Variants in THADA observed in about 807,000 individuals in gnomAD.
The protein encoded by THADA is THADA armadillo repeat containing.
In THADA, 213 loss-of-function variants were observed where a neutral mutation model predicts 219.8. That is an observed-to-expected ratio of 0.97 (90% CI 0.87 to 1.09). The LOEUF (loss-of-function observed/expected upper bound fraction) is 1.09, where lower values mean the gene tolerates loss of function less well. THADA is among the 50% of genes least tolerant of loss of function. THADA has a pLI of 0.00. For missense variants in THADA, 2,956 were observed against 2,311.3 expected, an observed-to-expected ratio of 1.28 and a Z score of -5.72; for synonymous variants, 1,018 against 828.9, an observed-to-expected ratio of 1.23 and a Z score of -3.92.
chr2:43,335,798 A>G (rs981703592), intron 30 of THADA, among the ~76,000 whole-genome samples: 1 of 49,556 alleles, frequency 2.0e-5, no homozygotes, highest in African/African-American at 1.2e-4. Flanking sequence ...TCTCTACTTT[A>G]AAAAAAAAAA....
At chr2:43,438,298 T>G (rs1374116004) in intron 26 of THADA, among the ~76,000 whole-genome samples, 1 of 38,518 alleles carries the variant, frequency 2.6e-5, no homozygotes, top group African/African-American at 1.0e-4. Flanking sequence ...CGACTCCATC[T>G]CAAAAAAAAA....
At chr2:43,547,458 T>C (rs1261938028) in intron 20 of THADA, among the ~76,000 whole-genome samples, 1 of 152,218 alleles carries the variant, frequency 6.6e-6, no homozygotes, top group Non-Finnish European at 1.5e-5. Context: ...TATCCTGCAG[T>C]GTTTTCCAAC....
chr2:43,280,022 G>A, intron 35 of THADA, 126 bp from the exon 36 acceptor site: 1 of 961,904 alleles, frequency 1.0e-6, no homozygotes, highest in Middle Eastern at 3.3e-4. Context: ...TTTTTTCTGG[G>A]TATTGTTAAG....
At chr2:43,510,660 TA>T (rs397729303) in intron 22 of THADA, among the ~76,000 whole-genome samples, 1,403 of 122,362 alleles carry the variant, frequency 0.011, 11 homozygotes, top group African/African-American at 0.027. Context: ...TTCTTCACTG[TA>T]AAAAAAAAAA....
intron 21 of THADA, among the ~76,000 whole-genome samples, chr2:43,535,675 C>CAAAAAAAAAAA (rs1177702416): frequency 1.6e-4 from 5 of 30,366 alleles, no homozygotes; most frequent in Non-Finnish European, 2.4e-4. Context: ...CAGCGAGACT[C>CAAAAAAAAAAA]AAAAAAAAAA....
At chr2:43,499,061 C>T in intron 24 of THADA, 106 bp from the exon 25 acceptor site, 2 of 1,198,554 alleles carry the variant, frequency 1.7e-6, no homozygotes, top group South Asian at 1.8e-5. Context: ...TACTGAATTA[C>T]AAGAAATGGA....
Position 43,428,187 on chromosome 2 carries a change from AG to A in THADA, c.3970del (p.Leu1324PhefsTer29). On this transcript the variant is annotated frameshift_variant, in exon 28 of 38. Transcript: ENST00000405975. LOFTEE classifies it high-confidence loss of function. ...AGCGTAGAGTCTCTCCAACACCAAA[AG>A]TAAGAGAAACATGCTTGGATGACGA... ...PNRHPSMFLL[L>X]LVLERLYASP... The A allele has an allele frequency of 6.2e-7, 1 of 1,608,212 alleles. No homozygotes were observed. Among genetic ancestry groups the A allele is most frequent in the Non-Finnish European group, 8.5e-7 (1 of 1,176,620 alleles).
chr2:43,492,426 T>C (rs772736411), intron 25 of THADA: 6 of 152,212 alleles, frequency 3.9e-5, no homozygotes, highest in Admixed American at 2.6e-4. Flanking sequence ...TCTATGTATA[T>C]AGCTTTTCTT....
chr2:43,520,498 G>C, intron 22 of THADA, among the ~76,000 whole-genome samples: 1 of 151,930 alleles, frequency 6.6e-6, no homozygotes, highest in African/African-American at 2.4e-5. Context: ...GACCAGCCTG[G>C]GCAACACGGC....
At chr2:43,317,460 T>C (rs539741809) in intron 31 of THADA, among the ~76,000 whole-genome samples, 1 of 152,362 alleles carries the variant, frequency 6.6e-6, no homozygotes, top group South Asian at 2.1e-4. Flanking sequence ...GCTAAAACTA[T>C]AATATCATCA....
chr2:43,322,366 G>C (rs1281623171), intron 30 of THADA, among the ~76,000 whole-genome samples: 1 of 151,812 alleles, frequency 6.6e-6, no homozygotes, highest in Non-Finnish European at 1.5e-5. Context: ...GAGCCGGGCA[G>C]GGTGGCGGGC....
intron 31 of THADA, among the ~76,000 whole-genome samples, chr2:43,316,046 T>A (rs1036399707): frequency 3.9e-5 from 6 of 152,152 alleles, no homozygotes; most frequent in Non-Finnish European, 7.4e-5. Context: ...AGTTGCCATG[T>A]CCCTAGTGCT....
In THADA at chr2:43,310,233, C is replaced by T. The variant is rs568298631; in HGVS notation, c.4438+10213G>A. Among the ~76,000 whole-genome samples the T allele has an allele frequency of 5.5e-5, 7 of 127,224 alleles. No homozygotes were observed. In the East Asian group the frequency reaches 1.4e-3, roughly 26 times the overall value. 83.5% of individuals were successfully genotyped at this position (127,224 alleles called of 152,430 possible). On this transcript the variant is annotated intron_variant, in intron 31 of 37. Coordinates refer to ENST00000405975, the MANE Select transcript of THADA (RefSeq NM_022065.5). ...TCCCTCCCTCCCTTTCCCGCCCCCC[C>T]CCCAAACAAGCTGATCCTAAAATTC...
intron 29 of THADA, among the ~76,000 whole-genome samples, chr2:43,370,505 A>G (rs1670675419): frequency 6.6e-6 from 1 of 152,232 alleles, no homozygotes; most frequent in African/African-American, 2.4e-5. Context: ...TGCTTATTTG[A>G]AAACATTTGA....
At chr2:43,544,714 T>A (rs374795714) in intron 20 of THADA, among the ~76,000 whole-genome samples, 2 of 147,976 alleles carry the variant, frequency 1.4e-5, no homozygotes, top group African/African-American at 5.0e-5. Context: ...GTGATTTTTG[T>A]ACATTGATTT....
intron 36 of THADA, among the ~76,000 whole-genome samples, chr2:43,251,225 C>G (rs774371593): frequency 1.3e-5 from 2 of 152,186 alleles, no homozygotes; most frequent in Admixed American, 1.3e-4. Flanking sequence ...GAGATCAGAT[C>G]AGATCACAAA....
chr2:43,317,283 C>T (rs988981170), intron 31 of THADA, among the ~76,000 whole-genome samples: 3 of 152,150 alleles, frequency 2.0e-5, no homozygotes, highest in East Asian at 3.9e-4. Context: ...CTATTTGATA[C>T]ATGAGTTTAA....
At chr2:43,584,038 A>T (rs1041664569) in intron 7 of THADA, among the ~76,000 whole-genome samples, 6 of 91,150 alleles carry the variant, frequency 6.6e-5, no homozygotes, top group African/African-American at 2.5e-4. Flanking sequence ...TGTCTCAATT[A>T]AAAAAAAAAA....
rs774968041 is a variant in THADA at position 43,571,834 on chromosome 2, C to T, written c.1937G>A (p.Cys646Tyr). The T allele has an allele frequency of 3.7e-6, 6 of 1,613,866 alleles. No homozygotes were observed. Among genetic ancestry groups the T allele is most frequent in the South Asian group, 1.1e-5 (1 of 91,070 alleles). The change falls in exon 13 of 38, where the codon TGT becomes TAT. Residue 646 changes from cysteine to tyrosine, a missense_variant. Transcript: ENST00000405975. ...QVRIDTLGLL[C>Y]ESNRSTEIVS... ...AATTTCTGTGCTCCGATTACTTTCA[C>T]AAAGCAAGCCTAATGTATCTATCCT... is the stretch of plus-strand genomic sequence containing the variant.
Sources: allele counts gnomAD v4.1 joint callset (sites outside exome capture counted in the v4.1 genomes callset), GRCh38; gene constraint gnomAD v4.1.1; transcripts MANE v1.5; gene names NCBI Gene and HGNC (gene_info 2026-07-23, HGNC 2026-07-21).